Variants in DAPK2 observed in about 807,000 individuals in gnomAD.
DAPK2 encodes the protein death-associated protein kinase 2.
In DAPK2, 35 loss-of-function variants were observed where a neutral mutation model predicts 44.1. The ratio of observed to expected loss-of-function variants is 0.79; its 90% CI spans 0.61 to 1.05. The LOEUF is 1.05. Ranked by LOEUF, DAPK2 falls within the 50% of genes least tolerant of loss-of-function variation. DAPK2 has a pLI of 0.00. For missense variants in DAPK2, 453 were observed against 483.2 expected, an observed-to-expected ratio of 0.94 and a Z score of 0.59; for synonymous variants, 174 against 182.6, an observed-to-expected ratio of 0.95 and a Z score of 0.38.
intron 1 of DAPK2, among the ~76,000 whole-genome samples, chr15:64,036,892 A>T (rs919328880): frequency 6.6e-6 from 1 of 151,952 alleles, no homozygotes; most frequent in African/African-American, 2.4e-5. Flanking sequence ...ACACCCCAAA[A>T]CTACTCCAAA....
chr15:63,911,786 A>G (rs2078798981), intron 10 of DAPK2, 122 bp downstream of exon 11: 2 of 967,722 alleles, frequency 2.1e-6, no homozygotes, highest in Non-Finnish European at 3.2e-6. Flanking sequence ...GGACTGGGCC[A>G]GCAGAACTGG....
chr15:63,925,276 T>C (rs983997642), intron 7 of DAPK2, among the ~76,000 whole-genome samples: 2 of 152,160 alleles, frequency 1.3e-5, no homozygotes, highest in South Asian at 4.1e-4. Flanking sequence ...CCTAGCACTG[T>C]TCTTAGACAG....
chr15:63,925,678 G>GCACACACA (rs3222873), intron 7 of DAPK2, among the ~76,000 whole-genome samples: 9 of 138,446 alleles, frequency 6.5e-5, no homozygotes, highest in African/African-American at 1.7e-4. Context: ...GACTTGTAGC[G>GCACACACA]CACACACACA....
chr15:63,959,222 T>G (rs1179648902), intron 3 of DAPK2, among the ~76,000 whole-genome samples: 1 of 152,254 alleles, frequency 6.6e-6, no homozygotes, highest in African/African-American at 2.4e-5. Flanking sequence ...GAGACTTTGC[T>G]GAAGTTGCTT....
At chr15:64,031,611 A>G (rs1318110242) in intron 1 of DAPK2, among the ~76,000 whole-genome samples, 1 of 152,240 alleles carries the variant, frequency 6.6e-6, no homozygotes, top group Admixed American at 6.5e-5. Flanking sequence ...GTGTATGATC[A>G]GAGAGGCACA....
rs1342790173 is a variant in DAPK2 at position 63,912,648 on chromosome 15, A to G, written c.859-451T>C. Among the ~76,000 whole-genome samples, 1 of 152,222 alleles carries G rather than the reference A, an allele frequency of 6.6e-6. No homozygotes were observed. The highest frequency in any genetic ancestry group is 1.5e-5 in the Non-Finnish European group (1 of 68,042). On this transcript the variant is annotated intron_variant, in intron 8 of 10. Transcript: ENST00000261891. This position sits in a 1 kb window ranked among gnomAD's most constrained non-coding sequence, Gnocchi z 4.4. ...GGAAGGAAATAAGGGCTTTGATGAA[A>G]GTCAAGAGGCAACAGGATGTGCAGT...
chr15:63,993,378 G>A (rs1164326459), intron 1 of DAPK2, among the ~76,000 whole-genome samples: 2 of 152,174 alleles, frequency 1.3e-5, no homozygotes, highest in Non-Finnish European at 2.9e-5. Flanking sequence ...AGGTGGCTCT[G>A]CAGAGGGCTA....
chr15:63,986,078 T>G (rs2078660547), intron 1 of DAPK2, among the ~76,000 whole-genome samples: 1 of 152,186 alleles, frequency 6.6e-6, no homozygotes, highest in African/African-American at 2.4e-5. Context: ...CTGCTCAACC[T>G]GTAGAGGGGA....
At chr15:63,998,523 G>T (rs774253077) in intron 1 of DAPK2, among the ~76,000 whole-genome samples, 2 of 152,196 alleles carry the variant, frequency 1.3e-5, no homozygotes, top group Non-Finnish European at 2.9e-5. Flanking sequence ...GGCCTGGCTG[G>T]CAAGCCTCCT....
intron 3 of DAPK2, among the ~76,000 whole-genome samples, chr15:63,961,963 G>A (rs545742539): frequency 7.9e-5 from 12 of 152,106 alleles, no homozygotes; most frequent in Admixed American, 2.0e-4. Context: ...CACTCTCCCC[G>A]TCACTTTCAG....
intron 1 of DAPK2, among the ~76,000 whole-genome samples, chr15:64,036,333 A>G (rs1340534752): frequency 5.7e-4 from 70 of 122,334 alleles, no homozygotes; most frequent in Admixed American, 8.3e-4. Context: ...ATATATATAT[A>G]TATACATATA....
At chr15:63,956,839 G>A (rs889771268) in intron 3 of DAPK2, among the ~76,000 whole-genome samples, 1 of 152,016 alleles carries the variant, frequency 6.6e-6, no homozygotes, top group African/African-American at 2.4e-5. Flanking sequence ...CACCTGCCTC[G>A]GCCTCCCAAA....
chr15:64,029,821 G>C (rs557732915), intron 1 of DAPK2: 5 of 152,612 alleles, frequency 3.3e-5, no homozygotes, highest in African/African-American at 1.2e-4. Flanking sequence ...CTAGGGTGCT[G>C]CTGTGGTGGA....
chr15:64,004,857 T>C (rs924311907), intron 1 of DAPK2, among the ~76,000 whole-genome samples: 2 of 152,266 alleles, frequency 1.3e-5, no homozygotes, highest in Admixed American at 1.3e-4. Flanking sequence ...GGTTGTTCTC[T>C]GACCTTACAC....
chr15:64,001,037 G>A lies in DAPK2; in HGVS notation c.93-17283C>T, dbSNP rs549436209. On this transcript the variant is annotated intron_variant, in intron 1 of 10. Transcript: ENST00000261891. ...TGGGATTACAGGTACGTGCCACCAC[G>A]CCCAGCTAATTTTTGTATTTTTAGT... Among the ~76,000 whole-genome samples the A allele has an allele frequency of 5.9e-5, 9 of 151,960 alleles. No homozygotes were observed. In the East Asian group the frequency reaches 1.7e-3, roughly 29 times the overall value.
chr15:64,005,710 A>G (rs113284775), intron 1 of DAPK2, among the ~76,000 whole-genome samples: 8,033 of 152,084 alleles, frequency 0.053, 352 homozygotes, highest in African/African-American at 0.13. Context: ...GATCTGGGAG[A>G]AGAACCAGAT....
chr15:63,959,874 G>T (rs931974713), intron 3 of DAPK2, among the ~76,000 whole-genome samples: 4 of 152,326 alleles, frequency 2.6e-5, no homozygotes, highest in African/African-American at 9.6e-5. Flanking sequence ...CTCATAAAAT[G>T]AATTAGGGAG....
intron 8 of DAPK2, among the ~76,000 whole-genome samples, chr15:63,913,538 C>T (rs983967100): frequency 4.6e-5 from 7 of 152,148 alleles, no homozygotes; most frequent in African/African-American, 1.4e-4. Flanking sequence ...GCCTTCCTGC[C>T]GCAATGCCTC....
intron 3 of DAPK2, among the ~76,000 whole-genome samples, chr15:63,969,981 C>T (rs1415561819): frequency 6.6e-6 from 1 of 152,184 alleles, no homozygotes; most frequent in Non-Finnish European, 1.5e-5. Context: ...TTCATCTCTA[C>T]CTCTAATTAG....
Sources: allele counts gnomAD v4.1 joint callset (sites outside exome capture counted in the v4.1 genomes callset), GRCh38; gene constraint gnomAD v4.1.1; non-coding constraint Gnocchi (gnomAD v3.1); transcripts MANE v1.5; gene names NCBI Gene and HGNC (gene_info 2026-07-23, HGNC 2026-07-21).